The following NBAS variants were observed in gnomAD, a reference collection of about 807,000 sequenced individuals.
NBAS encodes NBAS subunit of NRZ tethering complex.
In NBAS, 219 loss-of-function variants were observed where a neutral mutation model predicts 302.5. That is an observed-to-expected ratio of 0.72 (90% CI 0.65 to 0.81). NBAS has a LOEUF of 0.81. NBAS is among the 30% of genes least tolerant of loss of function. The pLI, the probability that NBAS is intolerant of heterozygous loss-of-function variation, is 0.00. For synonymous variants in NBAS, 1,118 were observed against 1,021.6 expected (o/e 1.09, Z -1.80); for missense variants, 2,932 against 2,841.6 (o/e 1.03, Z -0.72).
the NBAS span, among the ~76,000 whole-genome samples, chr2:15,155,448 C>A: frequency 6.6e-6 from 1 of 152,162 alleles, no homozygotes; most frequent in African/African-American, 2.4e-5. Flanking sequence ...GAGAATGATT[C>A]TGTTTCCCAT....
chr2:14,943,599 C>T, the NBAS span, among the ~76,000 whole-genome samples: 1 of 152,112 alleles, frequency 6.6e-6, no homozygotes, highest in African/African-American at 2.4e-5. Context: ...CATAAATATT[C>T]AAGACCACTT....
At chr2:14,995,593 C>T in the NBAS span, among the ~76,000 whole-genome samples, 2 of 152,322 alleles carry the variant, frequency 1.3e-5, no homozygotes, top group East Asian at 3.9e-4. Context: ...TCAGCATAAT[C>T]CACCCACACT....
chr2:15,225,771 G>A (rs994778259), intron 47 of NBAS, among the ~76,000 whole-genome samples: 18 of 152,260 alleles, frequency 1.2e-4, no homozygotes, highest in African/African-American at 4.3e-4. Flanking sequence ...TTATCTGAGT[G>A]AATTTAATGC....
intron 44 of NBAS, among the ~76,000 whole-genome samples, chr2:15,248,561 C>T (rs1668212207): frequency 6.6e-6 from 1 of 152,088 alleles, no homozygotes; most frequent in Non-Finnish European, 1.5e-5. Flanking sequence ...TGATAGACCA[C>T]TAGCCAGACT....
chr2:14,940,092 C>T, the NBAS span, among the ~76,000 whole-genome samples: 1 of 152,122 alleles, frequency 6.6e-6, no homozygotes, highest in Non-Finnish European at 1.5e-5. Context: ...TAGTTTACCC[C>T]CTACAGTAGC....
intron 41 of NBAS, among the ~76,000 whole-genome samples, chr2:15,288,068 T>A (rs1212822116): frequency 6.6e-6 from 1 of 152,158 alleles, no homozygotes; most frequent in East Asian, 1.9e-4. Context: ...AGTCAGAACG[T>A]CAACAGTGCT....
chr2:14,871,953 G>C, the NBAS span, among the ~76,000 whole-genome samples: 1 of 151,996 alleles, frequency 6.6e-6, no homozygotes, highest in African/African-American at 2.4e-5. Context: ...TTGTCAAATT[G>C]AATAGAAAAT....
chr2:15,478,565 C>A (rs1005663048), intron 12 of NBAS, among the ~76,000 whole-genome samples: 12 of 152,098 alleles, frequency 7.9e-5, no homozygotes, highest in Non-Finnish European at 4.4e-5. Flanking sequence ...CATATGAAAG[C>A]AAAATACACT....
At chr2:15,147,407 A>T in the NBAS span, among the ~76,000 whole-genome samples, 1 of 152,040 alleles carries the variant, frequency 6.6e-6, no homozygotes, top group East Asian at 1.9e-4. Flanking sequence ...CAGCCTGACC[A>T]ACATGGAGAA....
intron 17 of NBAS, among the ~76,000 whole-genome samples, chr2:15,468,149 G>A (rs917091101): frequency 9.0e-5 from 11 of 122,102 alleles, no homozygotes; most frequent in African/African-American, 3.2e-4. Flanking sequence ...TCAAATGGTA[G>A]TGTCAGTCTC....
chr2:14,834,235 A>T, the NBAS span, among the ~76,000 whole-genome samples: 5 of 152,222 alleles, frequency 3.3e-5, no homozygotes, highest in Non-Finnish European at 5.9e-5. Flanking sequence ...GACACAGCAG[A>T]CTTATTTAAA....
rs140161636 is a variant in NBAS, at chr2:15,367,309, C to T, written c.3704-616G>A. 5.1e-3 allele frequency among the ~76,000 whole-genome samples: 779 copies of T among 152,132 alleles called. 3 individuals are homozygous for T. Among genetic ancestry groups the T allele is most frequent in the African/African-American group, 0.017 (693 of 41,502 alleles). Reference sequence around the variant, plus strand: ...AAAAAACCCTAGACAAAGGGTACTACGTATATTCTAGGAACAAATGGTACT... The same window carrying T: ...AAAAAACCCTAGACAAAGGGTACTATGTATATTCTAGGAACAAATGGTACT... On this transcript the variant is annotated intron_variant, in intron 31 of 51. Transcript: ENST00000281513.
the NBAS span, among the ~76,000 whole-genome samples, chr2:15,008,981 A>AT: frequency 6.6e-6 from 1 of 152,122 alleles, no homozygotes; most frequent in African/African-American, 2.4e-5. Flanking sequence ...AATTAAAGTG[A>AT]TTTTCCCAAG....
chr2:14,807,454 AGTGT>A, the NBAS span, among the ~76,000 whole-genome samples: 10,576 of 147,224 alleles, frequency 0.072, 387 homozygotes, highest in African/African-American at 0.097. Context: ...TGTGTGTGTG[AGTGT>A]GTGTGTGTGT....
the NBAS span, among the ~76,000 whole-genome samples, chr2:14,962,576 T>C: frequency 6.6e-6 from 1 of 152,146 alleles, no homozygotes; most frequent in East Asian, 1.9e-4. Flanking sequence ...CAGTTGTTGT[T>C]ATCACACTTT....
At chr2:15,057,073 G>GC in the NBAS span, among the ~76,000 whole-genome samples, 12 of 151,798 alleles carry the variant, frequency 7.9e-5, no homozygotes, top group African/African-American at 1.2e-4. Flanking sequence ...CAGGTGATCT[G>GC]CCCCCCTGGG....
At chr2:15,417,828 T>G in intron 23 of NBAS, 116 bp from the exon 24 acceptor site, 1 of 1,005,354 alleles carries the variant, frequency 9.9e-7, no homozygotes, top group Non-Finnish European at 1.5e-6. Flanking sequence ...AAAATTGCAT[T>G]ACCAGTAACA....
chr2:15,493,914 C>T (rs1021942758), intron 11 of NBAS, among the ~76,000 whole-genome samples: 2 of 151,094 alleles, frequency 1.3e-5, no homozygotes, highest in Admixed American at 6.6e-5. Context: ...GCAACCTCTG[C>T]CTCGAGGGTT....
At chr2:15,227,919 T>C (rs1034091943) in intron 47 of NBAS, among the ~76,000 whole-genome samples, 4 of 152,070 alleles carry the variant, frequency 2.6e-5, no homozygotes, top group African/African-American at 7.2e-5. Context: ...TATTATAAAA[T>C]TGGACTGAGA....
Sources: allele counts gnomAD v4.1 joint callset (sites outside exome capture counted in the v4.1 genomes callset), GRCh38; gene constraint gnomAD v4.1.1; transcripts MANE v1.5; gene names NCBI Gene and HGNC (gene_info 2026-07-23, HGNC 2026-07-21).